The following GGCX variants were observed in gnomAD, a reference collection of about 807,000 sequenced individuals.
GGCX encodes the protein gamma-glutamyl carboxylase.
GGCX carries 63 observed loss-of-function variants against 88.5 expected under a neutral mutation model. The observed-to-expected ratio is 0.71, with a 90% CI of 0.58 to 0.88. GGCX has a LOEUF of 0.88. GGCX is among the 40% of genes least tolerant of loss of function. GGCX has a pLI of 0.00. For missense variants in GGCX, 805 were observed against 932.9 expected (o/e 0.86, Z 1.79); for synonymous variants, 368 against 365.8 (o/e 1.01, Z -0.07).
At chr2:85,555,455 A>T in intron 6 of GGCX, 29 bp downstream of exon 6, 2 of 1,104,166 alleles carry the variant, frequency 1.8e-6, no homozygotes, top group Non-Finnish European at 2.8e-6. Flanking sequence ...CCATGCCTCA[A>T]AGAGGCCTCC....
Position 85,548,496 on chromosome 2 carries a change from C to A in GGCX, c.*1438G>T, listed in dbSNP as rs1393762272. 6.6e-6 allele frequency: 1 copy of A among 152,136 alleles called. No individual in the cohort carries two copies. The highest frequency in any genetic ancestry group is 1.5e-5 in the Non-Finnish European group (1 of 68,050). The allele number at this position is 152,136 out of a possible 1,614,324, so 9.4% of individuals were successfully genotyped here. Reference sequence around the variant, plus strand: ...ATCGTTGGAAATCCTGGAGTAGACACAATCATCTGAAGTATGTATACTGAA... The same window carrying A: ...ATCGTTGGAAATCCTGGAGTAGACAAAATCATCTGAAGTATGTATACTGAA... On this transcript the variant is annotated 3_prime_UTR_variant, in exon 15 of 15. Coordinates refer to ENST00000233838, the MANE Select transcript of GGCX (RefSeq NM_000821.7).
intron 1 of GGCX, 117 bp from the exon 2 acceptor site, chr2:85,561,102 G>A: frequency 2.3e-6 from 2 of 879,452 alleles, no homozygotes; most frequent in Non-Finnish European, 3.8e-6. Context: ...CAATGAGGTT[G>A]CCTCAATGAT....
At chr2:85,558,731 T>C in intron 3 of GGCX, 126 bp from the exon 4 acceptor site, 1 of 895,122 alleles carries the variant, frequency 1.1e-6, no homozygotes, top group Non-Finnish European at 1.8e-6. Flanking sequence ...TAAATGAAAA[T>C]TAAATGTTAT....
At chr2:85,554,974 GA>G (rs77142461) in intron 6 of GGCX, 18,018 of 165,162 alleles carry the variant, frequency 0.11, 1,565 homozygotes, top group East Asian at 0.3. Context: ...TCAGGAACTG[GA>G]AAATAACAGG....
intron 1 of GGCX, 124 bp downstream of exon 1, chr2:85,561,262 C>T: frequency 1.5e-6 from 1 of 671,472 alleles, no homozygotes; most frequent in South Asian, 1.9e-5. Flanking sequence ...CACAGCACGC[C>T]CCCTTCCCCA....
intron 6 of GGCX, 150 bp from the exon 7 acceptor site, chr2:85,554,456 T>C: frequency 1.8e-6 from 1 of 562,100 alleles, no homozygotes; most frequent in Non-Finnish European, 3.2e-6. Context: ...CTAGGTTGTT[T>C]GTTGTTGTTG....
intron 9 of GGCX, 35 bp from the exon 10 acceptor site, chr2:85,552,602 A>C (rs375182364): frequency 1.3e-6 from 2 of 1,598,878 alleles, no homozygotes; most frequent in South Asian, 1.1e-5. Context: ...CCACCTCATC[A>C]TTATCAACTT....
intron 4 of GGCX, among the ~76,000 whole-genome samples, chr2:85,557,965 G>A (rs1170201113): frequency 6.6e-6 from 1 of 151,976 alleles, no homozygotes; most frequent in Non-Finnish European, 1.5e-5. Context: ...AATGGGGAAG[G>A]GTTACCTCCT....
At position 85,553,349 on chromosome 2, in the gene GGCX, C is replaced by T; in HGVS notation, c.1038G>A (p.Lys346=). The stretch of plus-strand genomic sequence containing the variant: ...TCTGGCCACTTTTGCCCCGGCTCCT[C>T]TTATACACACAGGAAACACTGGGCT... ...APQPSVSCVY[K]RSRGKSGQKP... Residue 346 remains lysine (K), a synonymous_variant, in exon 8 of 15, where the codon AAG becomes AAA. Transcript: ENST00000233838. 1 of 1,614,246 alleles carries T rather than the reference C, an allele frequency of 6.2e-7. No homozygotes were observed. The highest frequency in any genetic ancestry group is 8.5e-7 in the Non-Finnish European group (1 of 1,180,046).
rs779018917 is a variant in GGCX at position 85,558,510 on chromosome 2, A to G, written c.469T>C (p.Trp157Arg). The G allele has an allele frequency of 1.9e-6, 3 of 1,613,636 alleles. No homozygotes were observed. The highest frequency in any genetic ancestry group is 2.5e-6 in the Non-Finnish European group (3 of 1,179,512). The change falls in exon 4 of 15, where the codon TGG becomes CGG. Residue 157 changes from tryptophan (W) to arginine (R), a missense_variant. Transcript: ENST00000233838. ...WYVFLLDKTSWNNHSYLYGLL... is the reference protein window; with the variant it reads ...WYVFLLDKTSRNNHSYLYGLL... The stretch of plus-strand genomic sequence containing the variant: ...CCATACAGATAGGAGTGGTTGTTCC[A>G]TGATGTCTTGTCCAGGAGAAACACA...
Position 85,555,292 on chromosome 2 carries a change from TCTCCCAA to T in GGCX, c.725+185_725+191del, listed in dbSNP as rs1424673504. On this transcript the variant is annotated intron_variant, in intron 6 of 14. Coordinates refer to ENST00000233838, the MANE Select transcript of GGCX (RefSeq NM_000821.7). ...CTTTCTTGCCTATCTATACCATATA[TCTCCCAA>T]GAGCAGCTAGGGCTCAATCTTTTGA... 367 of 551,998 alleles carry T rather than the reference TCTCCCAA, an allele frequency of 6.6e-4. 2 individuals carry two copies. Among genetic ancestry groups the T allele is most frequent in the African/African-American group, 6.5e-3 (340 of 52,570 alleles). 34.2% of individuals were successfully genotyped at this position (551,998 alleles called of 1,614,324 possible).
chr2:85,559,173 C>T (rs1692330903), intron 2 of GGCX, 98 bp from the exon 3 acceptor site: 1 of 982,696 alleles, frequency 1.0e-6, no homozygotes, highest in Admixed American at 1.9e-5. Context: ...CAGGGTCAGA[C>T]TTCTTTTCTA....
rs1331781242 is a variant in GGCX, at chr2:85,545,669, T to TA, written c.*4264dup. Reference sequence around the variant, plus strand: ...TGCAGCAGCCATTCAATGCCATTTTTAAGTTTTCAACTAAGGTTGAGGGCT... The same window carrying TA: ...TGCAGCAGCCATTCAATGCCATTTTTAAAGTTTTCAACTAAGGTTGAGGGCT... On this transcript the variant is annotated 3_prime_UTR_variant, in exon 15 of 15. Coordinates refer to ENST00000233838, the MANE Select transcript of GGCX (RefSeq NM_000821.7). 6.6e-6 allele frequency: 1 copy of TA among 151,854 alleles called. No homozygotes were observed. Among genetic ancestry groups the TA allele is most frequent in the Admixed American group, 6.5e-5 (1 of 15,268 alleles). 9.4% of individuals were successfully genotyped at this position (151,854 alleles called of 1,614,324 possible). A position where few individuals can be genotyped will look rare whatever the true frequency, so the allele number is the denominator to read the frequency against.
At chr2:85,550,198 G>C in intron 14 of GGCX, 72 bp from the exon 15 acceptor site, 6 of 1,129,294 alleles carry the variant, frequency 5.3e-6, no homozygotes, top group Non-Finnish European at 8.0e-6. Context: ...AAAGCCCTTA[G>C]AAGGCACCTG....
chr2:85,545,809 C>G lies in GGCX; in HGVS notation c.*4125G>C, dbSNP rs1340337117. 1.3e-5 allele frequency: 2 copies of G among 152,086 alleles called. No individual in the cohort carries two copies. Among genetic ancestry groups the G allele is most frequent in the Non-Finnish European group, 2.9e-5 (2 of 68,040 alleles). The allele number at this position is 152,086 out of a possible 1,614,324, so 9.4% of individuals were successfully genotyped here. ...TCTGCATACATTTTTAAATTATGAGCTTAGTTTTAAGGGTTGTATGATGTT... is the reference window on the plus strand; with the variant it reads ...TCTGCATACATTTTTAAATTATGAGGTTAGTTTTAAGGGTTGTATGATGTT... On this transcript the variant is annotated 3_prime_UTR_variant, in exon 15 of 15. Transcript: ENST00000233838.
chr2:85,545,443 C>T lies in GGCX; in HGVS notation c.*4491G>A, dbSNP rs1213552432. 6.6e-6 allele frequency: 1 copy of T among 152,204 alleles called. No homozygotes were observed. Among genetic ancestry groups the T allele is most frequent in the Admixed American group, 6.5e-5 (1 of 15,272 alleles). 9.4% of individuals were successfully genotyped at this position (152,204 alleles called of 1,614,324 possible). A position where few individuals can be genotyped will look rare whatever the true frequency, so the allele number is the denominator to read the frequency against. On this transcript the variant is annotated 3_prime_UTR_variant, in exon 15 of 15. Transcript: ENST00000233838. ...TGCACTCCAGCCTGGGTGACTGAGA[C>T]TTTGGCTCTTAAAAAATGCTATCAT...
rs1367276591 is a variant in GGCX at position 85,547,120 on chromosome 2, G to A, written c.*2814C>T. On this transcript the variant is annotated 3_prime_UTR_variant, in exon 15 of 15. Transcript: ENST00000233838. ...GGAACATTAGGCCACAGGGAGCAGA[G>A]GGAAAGCATAACAGCAGGGGATGAT... The A allele has an allele frequency of 3.9e-5, 6 of 152,268 alleles. No homozygotes were observed. The highest frequency in any genetic ancestry group is 1.4e-4 in the African/African-American group (6 of 41,444). The allele number at this position is 152,268 out of a possible 1,614,324, so 9.4% of individuals were successfully genotyped here. A position where few individuals can be genotyped will look rare whatever the true frequency, so the allele number is the denominator to read the frequency against.
Position 85,551,971 on chromosome 2 carries a change from G to C in GGCX, c.1450C>G (p.Pro484Ala). Reference sequence around the variant, plus strand: ...GCGGCCTGCACGATGTCCACACGAGGGTCAAAAATCCTTAGGAAAGAAAAC... The same window carrying C: ...GCGGCCTGCACGATGTCCACACGAGCGTCAAAAATCCTTAGGAAAGAAAAC... The part of the protein sequence containing the change: ...NDRFQQRIFD[P>A]RVDIVQAAWS... The change falls in exon 11 of 15, where the codon CCT becomes GCT. Residue 484 changes from proline to alanine, a missense_variant. This residue lies in a region of GGCX where 680 missense variants were observed against 763.7 expected (regional missense o/e 0.89). Transcript: ENST00000233838. The C allele has an allele frequency of 6.2e-7, 1 of 1,613,614 alleles. No homozygotes were observed. Among genetic ancestry groups the C allele is most frequent in the Non-Finnish European group, 8.5e-7 (1 of 1,179,646 alleles).
rs1553444302 is a variant in GGCX, at chr2:85,546,328, CAGG to C, written c.*3603_*3605del. On this transcript the variant is annotated 3_prime_UTR_variant, in exon 15 of 15. Coordinates refer to ENST00000233838, the MANE Select transcript of GGCX (RefSeq NM_000821.7). ...GTCCCAGCTACTCAGGAGGCCGAGG[CAGG>C]AGAATGGCGTGAACCCGGGAGGTGG... is the stretch of plus-strand genomic sequence containing the variant. The C allele has an allele frequency of 6.6e-6, 1 of 151,758 alleles. No individual in the cohort carries two copies. Among genetic ancestry groups the C allele is most frequent in the Non-Finnish European group, 1.5e-5 (1 of 68,000 alleles). The allele number at this position is 151,758 out of a possible 1,614,324, so 9.4% of individuals were successfully genotyped here. A position where few individuals can be genotyped will look rare whatever the true frequency, so the allele number is the denominator to read the frequency against.
Sources: allele counts gnomAD v4.1 joint callset (sites outside exome capture counted in the v4.1 genomes callset), GRCh38; gene constraint gnomAD v4.1.1; regional missense constraint gnomAD v4.1.1; transcripts MANE v1.5; gene names NCBI Gene and HGNC (gene_info 2026-07-23, HGNC 2026-07-21).